The following RSRC1 variants were observed in gnomAD, a reference collection of about 807,000 sequenced individuals.
RSRC1 encodes serine/Arginine-related protein 53.
Under a neutral mutation model 49.1 loss-of-function variants are expected in RSRC1, and 39 were observed. That is an observed-to-expected ratio of 0.79 (90% CI 0.61 to 1.04). The LOEUF is 1.04. RSRC1 is among the 50% of genes least tolerant of loss of function. RSRC1 has a pLI of 0.00. For synonymous variants in RSRC1, 143 were observed against 130.8 expected, an observed-to-expected ratio of 1.09 and a Z score of -0.63; for missense variants, 388 against 402.4, an observed-to-expected ratio of 0.96 and a Z score of 0.31.
At chr3:158,169,053 A>G (rs1358995342) in intron 3 of RSRC1, among the ~76,000 whole-genome samples, 3 of 152,250 alleles carry the variant, frequency 2.0e-5, no homozygotes, top group African/African-American at 7.2e-5. Flanking sequence ...AGAGTTAAAT[A>G]GAAACCAGCC....
chr3:158,295,612 G>A (rs1194359598), intron 4 of RSRC1, among the ~76,000 whole-genome samples: 1 of 152,078 alleles, frequency 6.6e-6, no homozygotes, highest in African/African-American at 2.4e-5. Context: ...AATGAAGGTT[G>A]TTGGATAGCC....
chr3:158,235,618 G>T (rs1372103339), intron 4 of RSRC1, among the ~76,000 whole-genome samples: 1 of 148,306 alleles, frequency 6.7e-6, no homozygotes, highest in Non-Finnish European at 1.5e-5. Context: ...TAACACTACA[G>T]AATTTTTACT....
chr3:158,269,365 C>G (rs1279943735), intron 4 of RSRC1, among the ~76,000 whole-genome samples: 2 of 152,122 alleles, frequency 1.3e-5, no homozygotes, highest in Non-Finnish European at 2.9e-5. Context: ...ATATGAGAAT[C>G]TTCTTGAAGT....
intron 5 of RSRC1, among the ~76,000 whole-genome samples, chr3:158,336,085 C>T (rs1385526952): frequency 1.3e-5 from 2 of 152,226 alleles, no homozygotes; most frequent in Non-Finnish European, 2.9e-5. Context: ...TCTGCACTGA[C>T]ACATCACTTA....
At chr3:158,237,531 T>C (rs1234567163) in intron 4 of RSRC1, among the ~76,000 whole-genome samples, 1 of 152,212 alleles carries the variant, frequency 6.6e-6, no homozygotes, top group African/African-American at 2.4e-5. Context: ...ACTATTCTAA[T>C]GGATTTGAAG....
At chr3:158,159,983 A>G (rs962998154) in intron 3 of RSRC1, among the ~76,000 whole-genome samples, 8 of 152,124 alleles carry the variant, frequency 5.3e-5, no homozygotes, top group African/African-American at 1.7e-4. Context: ...TTATCTCTCT[A>G]TTGCAAACTG....
chr3:158,115,655 T>G (rs1714749411), intron 1 of RSRC1, among the ~76,000 whole-genome samples: 1 of 152,196 alleles, frequency 6.6e-6, no homozygotes. Flanking sequence ...ACAAACTTAG[T>G]GAGAAAAGTG....
At chr3:158,507,694 T>C (rs952418476) in intron 7 of RSRC1, among the ~76,000 whole-genome samples, 1 of 152,192 alleles carries the variant, frequency 6.6e-6, no homozygotes, top group Non-Finnish European at 1.5e-5. Flanking sequence ...TATTCTCTAT[T>C]GTTTAAAAAA....
At chr3:158,376,852 CTTT>C (rs1308339508) in intron 6 of RSRC1, among the ~76,000 whole-genome samples, 1 of 108,108 alleles carries the variant, frequency 9.3e-6, no homozygotes, top group Non-Finnish European at 2.0e-5. Flanking sequence ...GATTTCAATT[CTTT>C]TACATTTTTT....
intron 6 of RSRC1, among the ~76,000 whole-genome samples, chr3:158,403,379 G>T (rs1227892014): frequency 6.6e-6 from 1 of 151,772 alleles, no homozygotes; most frequent in Non-Finnish European, 1.5e-5. Flanking sequence ...CACTGAAGCA[G>T]TCTGGTTTTG....
intron 3 of RSRC1, among the ~76,000 whole-genome samples, chr3:158,135,635 C>T (rs1293342745): frequency 1.3e-5 from 2 of 150,734 alleles, no homozygotes. Context: ...CAATTTTTTT[C>T]TTCACATGGT....
intron 3 of RSRC1, among the ~76,000 whole-genome samples, chr3:158,163,493 T>C (rs1376132019): frequency 6.6e-6 from 1 of 152,204 alleles, no homozygotes; most frequent in Non-Finnish European, 1.5e-5. Context: ...ACAGCAAAAC[T>C]ACTGTTCTCA....
chr3:158,122,610 T>A (rs1027615629), intron 2 of RSRC1, among the ~76,000 whole-genome samples: 1 of 152,160 alleles, frequency 6.6e-6, no homozygotes, highest in African/African-American at 2.4e-5. Context: ...TATTATACTT[T>A]AAGTTCTAGT....
intron 3 of RSRC1, among the ~76,000 whole-genome samples, chr3:158,191,987 C>G (rs1214848176): frequency 6.6e-6 from 1 of 151,992 alleles, no homozygotes; most frequent in Non-Finnish European, 1.5e-5. Flanking sequence ...TTATTTCAAT[C>G]TGTGCTTGGT....
At chr3:158,166,238 TTGAA>T (rs1718524998) in intron 3 of RSRC1, among the ~76,000 whole-genome samples, 1 of 152,194 alleles carries the variant, frequency 6.6e-6, no homozygotes, top group African/African-American at 2.4e-5. Flanking sequence ...TTAGAAATCT[TTGAA>T]TGTCAATTTT....
chr3:158,186,219 C>T (rs1719923971), intron 3 of RSRC1, among the ~76,000 whole-genome samples: 1 of 151,910 alleles, frequency 6.6e-6, no homozygotes, highest in African/African-American at 2.4e-5. Flanking sequence ...TGCCCACCTG[C>T]TAATTAAATG....
chr3:158,402,726 G>T (rs182801352), intron 6 of RSRC1, among the ~76,000 whole-genome samples: 1 of 151,860 alleles, frequency 6.6e-6, no homozygotes, highest in Non-Finnish European at 1.5e-5. Flanking sequence ...TAGAATATAA[G>T]AATTAAAGAA....
At chr3:158,285,395 A>G (rs1726463073) in intron 4 of RSRC1, among the ~76,000 whole-genome samples, 1 of 152,146 alleles carries the variant, frequency 6.6e-6, no homozygotes, top group Admixed American at 6.5e-5. Flanking sequence ...TTGGTTCCAT[A>G]TGAACTTTAA....
intron 5 of RSRC1, among the ~76,000 whole-genome samples, chr3:158,338,030 G>A (rs1022945157): frequency 6.6e-6 from 1 of 152,190 alleles, no homozygotes; most frequent in African/African-American, 2.4e-5. Flanking sequence ...TATACAAGCA[G>A]CATCACTGAG....
Sources: allele counts gnomAD v4.1 joint callset (sites outside exome capture counted in the v4.1 genomes callset), GRCh38; gene constraint gnomAD v4.1.1; transcripts MANE v1.5; gene names NCBI Gene and HGNC (gene_info 2026-07-23, HGNC 2026-07-21).